The following FAF1 variants were observed in gnomAD, a reference collection of about 807,000 sequenced individuals.
The protein encoded by FAF1 is FAS-associated factor 1.
In FAF1, 25 loss-of-function variants were observed where a neutral mutation model predicts 92.5. The observed-to-expected ratio is 0.27, with a 90% confidence interval of 0.20 to 0.38. FAF1 has a LOEUF of 0.38. Ranked by LOEUF, FAF1 falls within the 10% of genes least tolerant of loss-of-function variation. The pLI is 1.00. For synonymous variants in FAF1, 234 were observed against 273.2 expected (o/e 0.86, Z 1.42); for missense variants, 636 against 793.3 (o/e 0.80, Z 2.38).
intron 8 of FAF1, among the ~76,000 whole-genome samples, chr1:50,637,720 CAT>C (rs1400016872): frequency 1.5e-4 from 17 of 113,908 alleles, no homozygotes; most frequent in African/African-American, 5.3e-4. Flanking sequence ...TGTGCGTGTG[CAT>C]ATGTGTGTAT....
chr1:50,467,400 G>C (rs556874895), intron 18 of FAF1, among the ~76,000 whole-genome samples: 1 of 152,078 alleles, frequency 6.6e-6, no homozygotes, highest in Non-Finnish European at 1.5e-5. Context: ...TGCAACCTCT[G>C]TCTCCTGGGT....
intron 12 of FAF1, among the ~76,000 whole-genome samples, chr1:50,575,947 T>C (rs1003440351): frequency 2.8e-4 from 43 of 152,218 alleles, no homozygotes; most frequent in African/African-American, 1.0e-3. Context: ...GACTTTAAAA[T>C]GGGCTGATTT....
At chr1:50,524,264 C>T (rs958224477) in intron 15 of FAF1, among the ~76,000 whole-genome samples, 1 of 151,994 alleles carries the variant, frequency 6.6e-6, no homozygotes, top group African/African-American at 2.4e-5. Context: ...AATTTAAGTT[C>T]CTTATAAATG....
chr1:50,944,660 A>G (rs1198038173), intron 1 of FAF1, among the ~76,000 whole-genome samples: 1 of 152,216 alleles, frequency 6.6e-6, no homozygotes, highest in Non-Finnish European at 1.5e-5. Flanking sequence ...ATACTCAACC[A>G]AATAGTCACT....
Position 50,801,694 on chromosome 1 carries a change from GAGA to G in FAF1, c.115-20_115-18del. The G allele has an allele frequency of 6.5e-7, 1 of 1,547,894 alleles. No homozygotes were observed. The highest frequency in any genetic ancestry group is 8.9e-7 in the Non-Finnish European group (1 of 1,120,594). On this transcript the variant is annotated intron_variant, in intron 2 of 18. Coordinates refer to ENST00000396153, the MANE Select transcript of FAF1 (RefSeq NM_007051.3). Reference sequence around the variant, plus strand: ...GATAGCTGCCTGCAAACAAGAAACAGAGAAGGCCATTTAAAGAAACAGATAAAT... The same window carrying G: ...GATAGCTGCCTGCAAACAAGAAACAGAGGCCATTTAAAGAAACAGATAAAT...
At chr1:50,454,583 G>A (rs901669053) in intron 18 of FAF1, among the ~76,000 whole-genome samples, 7 of 152,250 alleles carry the variant, frequency 4.6e-5, no homozygotes, top group East Asian at 1.9e-4. Flanking sequence ...CATGTTTACC[G>A]GACTAATACC....
At chr1:50,924,746 G>A (rs1194621060) in intron 1 of FAF1, among the ~76,000 whole-genome samples, 4 of 152,214 alleles carry the variant, frequency 2.6e-5, no homozygotes, top group Non-Finnish European at 2.9e-5. Flanking sequence ...ACTTTGGGAG[G>A]CTGAGGTGGG....
At chr1:50,680,449 G>A (rs138905171) in intron 7 of FAF1, among the ~76,000 whole-genome samples, 2,002 of 152,146 alleles carry the variant, frequency 0.013, 44 homozygotes, top group African/African-American at 0.044. Flanking sequence ...TTGGGAGGCC[G>A]AGGCAGGCAG....
At chr1:50,667,606 C>T (rs1245110013) in intron 7 of FAF1, among the ~76,000 whole-genome samples, 4 of 152,188 alleles carry the variant, frequency 2.6e-5, no homozygotes, top group African/African-American at 9.7e-5. Context: ...TAGAATTGCA[C>T]TTCCTTTTTA....
At chr1:50,476,018 G>C (rs893078827) in intron 17 of FAF1, among the ~76,000 whole-genome samples, 21 of 152,042 alleles carry the variant, frequency 1.4e-4, no homozygotes, top group Non-Finnish European at 2.9e-5. Context: ...TACCTTTCTA[G>C]GGTATGAATT....
intron 4 of FAF1, among the ~76,000 whole-genome samples, chr1:50,768,183 A>T (rs924265980): frequency 2.6e-5 from 4 of 152,300 alleles, no homozygotes; most frequent in African/African-American, 9.6e-5. Flanking sequence ...AACCAAAAAG[A>T]TTAAAAAAAG....
intron 6 of FAF1, among the ~76,000 whole-genome samples, chr1:50,734,385 C>T (rs1369559629): frequency 6.6e-6 from 1 of 152,128 alleles, no homozygotes; most frequent in Non-Finnish European, 1.5e-5. Context: ...TTTTAATAAT[C>T]AGCATCTTGG....
chr1:50,497,636 C>T (rs184187952), intron 15 of FAF1, among the ~76,000 whole-genome samples: 1 of 146,498 alleles, frequency 6.8e-6, no homozygotes, highest in South Asian at 2.2e-4. Flanking sequence ...GCAACCTCCA[C>T]CCCCCCAGGT....
chr1:50,813,521 C>A (rs1190196677), intron 2 of FAF1, among the ~76,000 whole-genome samples: 2 of 152,026 alleles, frequency 1.3e-5, no homozygotes, highest in East Asian at 3.9e-4. Flanking sequence ...AGTGTAGTGG[C>A]ACAATCATAG....
At chr1:50,551,700 G>C (rs763997302) in intron 13 of FAF1, among the ~76,000 whole-genome samples, 4 of 152,060 alleles carry the variant, frequency 2.6e-5, no homozygotes, top group Non-Finnish European at 5.9e-5. Context: ...TTTCAGTAAG[G>C]CATATAATAA....
chr1:50,715,550 C>G (rs1658133840), intron 6 of FAF1, among the ~76,000 whole-genome samples: 1 of 152,194 alleles, frequency 6.6e-6, no homozygotes, highest in South Asian at 2.1e-4. Context: ...AGCATTAATA[C>G]CTATGCCATT....
chr1:50,857,456 G>C (rs1054442362), intron 2 of FAF1, among the ~76,000 whole-genome samples: 1 of 151,524 alleles, frequency 6.6e-6, no homozygotes, highest in African/African-American at 2.4e-5. Context: ...CTCGCCTTTT[G>C]ATTACTGCCA....
At chr1:50,686,344 A>G (rs529182038) in intron 7 of FAF1, among the ~76,000 whole-genome samples, 169 of 152,174 alleles carry the variant, frequency 1.1e-3, no homozygotes, top group African/African-American at 3.7e-3. Context: ...GGAGATCGAG[A>G]CCAGCCTGAC....
intron 15 of FAF1, among the ~76,000 whole-genome samples, chr1:50,510,180 A>AG (rs1233604389): frequency 1.3e-5 from 2 of 151,896 alleles, no homozygotes; most frequent in Non-Finnish European, 2.9e-5. Context: ...AAAAAAAAAA[A>AG]AAAATTTAAA....
Sources: allele counts gnomAD v4.1 joint callset (sites outside exome capture counted in the v4.1 genomes callset), GRCh38; gene constraint gnomAD v4.1.1; transcripts MANE v1.5; gene names NCBI Gene and HGNC (gene_info 2026-07-23, HGNC 2026-07-21).